PVT1: variants seen among roughly 807,000 people sequenced by gnomAD.
PVT1 encodes the protein CXCR4/PVT1 fusion.
chr8:128,091,277 G>A (rs1402573053), intron 5 of PVT1, among the ~76,000 whole-genome samples: 1 of 152,142 alleles, frequency 6.6e-6, no homozygotes, highest in Non-Finnish European at 1.5e-5. Context: ...TGGCAGGGCT[G>A]AGATGATTAT....
At chr8:127,994,815 G>A (rs1286731890) in intron 4 of PVT1, among the ~76,000 whole-genome samples, 1 of 152,146 alleles carries the variant, frequency 6.6e-6, no homozygotes, top group Non-Finnish European at 1.5e-5. Context: ...GGAGAAGATC[G>A]ATGTCCCAGA....
chr8:128,058,377 C>CAT (rs1273307378), intron 4 of PVT1, among the ~76,000 whole-genome samples: 2 of 109,958 alleles, frequency 1.8e-5, no homozygotes, highest in South Asian at 4.1e-4. Flanking sequence ...CAAACTGATG[C>CAT]ATGTGTGTGT....
intron 4 of PVT1, among the ~76,000 whole-genome samples, chr8:128,003,927 G>T (rs1817216366): frequency 6.6e-6 from 1 of 152,198 alleles, no homozygotes; most frequent in East Asian, 1.9e-4. Flanking sequence ...CAAGGTCAAG[G>T]TGTGAACTGA....
At chr8:128,075,977 C>A (rs917054552) in intron 5 of PVT1, among the ~76,000 whole-genome samples, 1 of 152,210 alleles carries the variant, frequency 6.6e-6, no homozygotes, top group East Asian at 1.9e-4. Context: ...GAAATTATAT[C>A]AAACCAGTAG....
At chr8:127,962,311 C>T (rs1816653754) in intron 3 of PVT1, among the ~76,000 whole-genome samples, 1 of 152,216 alleles carries the variant, frequency 6.6e-6, no homozygotes, top group Non-Finnish European at 1.5e-5. Context: ...GGGAGTGGGC[C>T]ACACATTTAG....
chr8:127,864,740 G>T (rs1411614128), intron 2 of PVT1, among the ~76,000 whole-genome samples: 1 of 152,058 alleles, frequency 6.6e-6, no homozygotes, highest in Non-Finnish European at 1.5e-5. Context: ...AGTACATATG[G>T]GGTTTCACCA....
intron 4 of PVT1, among the ~76,000 whole-genome samples, chr8:127,993,318 A>T (rs1817064998): frequency 6.6e-6 from 1 of 152,234 alleles, no homozygotes; most frequent in Non-Finnish European, 1.5e-5. Context: ...CACTAGGCCC[A>T]GTCGGGGAGC....
At chr8:127,894,533 C>A (rs1815649480) in intron 3 of PVT1, among the ~76,000 whole-genome samples, 1 of 152,168 alleles carries the variant, frequency 6.6e-6, no homozygotes, top group African/African-American at 2.4e-5. Flanking sequence ...CCTGTCCAGC[C>A]AGTGTTTTCC....
intron 4 of PVT1, chr8:128,008,767 C>T (rs1817277072): frequency 3.0e-6 from 1 of 332,844 alleles, no homozygotes; most frequent in Non-Finnish European, 6.6e-6. Context: ...CATGTGCAGG[C>T]ATGATGTCTT....
At chr8:127,868,517 A>T (rs922252820) in intron 2 of PVT1, among the ~76,000 whole-genome samples, 4 of 151,754 alleles carry the variant, frequency 2.6e-5, no homozygotes, top group South Asian at 2.1e-4. Context: ...CTTCCAGAGT[A>T]GCTGGGGTTA....
At chr8:127,856,520 T>G (rs1313580548) in intron 2 of PVT1, among the ~76,000 whole-genome samples, 1 of 151,980 alleles carries the variant, frequency 6.6e-6, no homozygotes, top group East Asian at 1.9e-4. Flanking sequence ...TTTGTATTTT[T>G]GATAGAGACG....
intron 2 of PVT1, among the ~76,000 whole-genome samples, chr8:127,825,810 T>C (rs545443576): frequency 1.3e-3 from 195 of 152,302 alleles, no homozygotes; most frequent in Middle Eastern, 3.4e-3. Flanking sequence ...TCGAAAATGC[T>C]GAGCATAAGA....
At chr8:127,832,673 A>T (rs1271306532) in intron 2 of PVT1, among the ~76,000 whole-genome samples, 2 of 152,172 alleles carry the variant, frequency 1.3e-5, no homozygotes, top group Non-Finnish European at 2.9e-5. Context: ...CCTGGCTAAC[A>T]TGGTGAAACC....
intron 2 of PVT1, among the ~76,000 whole-genome samples, chr8:127,851,500 A>T (rs1815106883): frequency 1.3e-5 from 2 of 152,148 alleles, no homozygotes; most frequent in African/African-American, 4.8e-5. Flanking sequence ...AAGTGAGATG[A>T]TGTAGCAAAA....
chr8:127,891,150 C>T (rs959995888), intron 3 of PVT1, among the ~76,000 whole-genome samples: 2 of 152,082 alleles, frequency 1.3e-5, no homozygotes, highest in African/African-American at 4.8e-5. Flanking sequence ...TCCTGGAAGC[C>T]GTTACTGTTC....
At chr8:128,077,827 C>T (rs557297869) in intron 5 of PVT1, among the ~76,000 whole-genome samples, 1 of 152,318 alleles carries the variant, frequency 6.6e-6, no homozygotes, top group African/African-American at 2.4e-5. Flanking sequence ...ATACCATTTT[C>T]ATTCACAGCC....
At chr8:128,064,677 T>TG (rs1444581309) in intron 4 of PVT1, among the ~76,000 whole-genome samples, 4 of 152,234 alleles carry the variant, frequency 2.6e-5, no homozygotes, top group Non-Finnish European at 5.9e-5. Context: ...TGGGACTTAC[T>TG]GATATTTCAA....
intron 2 of PVT1, among the ~76,000 whole-genome samples, chr8:127,855,820 C>T (rs1267032378): frequency 6.6e-6 from 1 of 152,178 alleles, no homozygotes; most frequent in Non-Finnish European, 1.5e-5. Flanking sequence ...TCTGGCTTCC[C>T]TTCTGAGGAG....
chr8:127,960,760 G>A (rs1469325109), intron 3 of PVT1: 1 of 456,214 alleles, frequency 2.2e-6, no homozygotes, highest in Non-Finnish European at 4.4e-6. Context: ...TGGGGAGAGA[G>A]TATTATTGTT....
Sources: allele counts gnomAD v4.1 joint callset (sites outside exome capture counted in the v4.1 genomes callset), GRCh38; gene constraint gnomAD v4.1.1; transcripts MANE v1.5; gene names NCBI Gene and HGNC (gene_info 2026-07-23, HGNC 2026-07-21).